Variants in ERBB4 observed in about 807,000 individuals in gnomAD.
The protein encoded by ERBB4 is erb-b2 receptor tyrosine kinase 4, also known as receptor tyrosine-protein kinase erbB-4.
ERBB4 carries 42 observed loss-of-function variants against 158.0 expected under a neutral mutation model. The observed-to-expected ratio is 0.27, with a 90% CI of 0.21 to 0.34. The LOEUF (loss-of-function observed/expected upper bound fraction) is 0.34. Ranked by LOEUF, ERBB4 falls within the 10% of genes least tolerant of loss-of-function variation. The probability of loss-of-function intolerance (pLI) is 1.00; values close to 1 mark genes in which losing one functional copy is unlikely to be tolerated. For synonymous variants in ERBB4, 583 were observed against 558.7 expected (o/e 1.04, Z -0.61); for missense variants, 1,333 against 1,624.1 (o/e 0.82, Z 3.08).
intron 1 of ERBB4, among the ~76,000 whole-genome samples, chr2:212,408,453 T>C (rs1469797785): frequency 2.6e-5 from 4 of 152,164 alleles, no homozygotes; most frequent in East Asian, 1.9e-4. Context: ...CATTGCCATA[T>C]ACTGGAATCA....
At chr2:211,566,636 G>A (rs1019764035) in intron 19 of ERBB4, among the ~76,000 whole-genome samples, 10 of 152,030 alleles carry the variant, frequency 6.6e-5, no homozygotes, top group Non-Finnish European at 1.5e-4. Flanking sequence ...AGTATTAAGT[G>A]TATTCACAGT....
chr2:212,051,790 A>C (rs2077406963), intron 2 of ERBB4, among the ~76,000 whole-genome samples: 1 of 152,150 alleles, frequency 6.6e-6, no homozygotes, highest in Non-Finnish European at 1.5e-5. Context: ...TAATAGTCTA[A>C]ATTTTATTAA....
chr2:212,434,952 A>G (rs572545216), intron 1 of ERBB4, among the ~76,000 whole-genome samples: 1 of 152,078 alleles, frequency 6.6e-6, no homozygotes, highest in Admixed American at 6.6e-5. Context: ...CAAATGATTT[A>G]AAGTCCAGAT....
chr2:211,781,253 A>G (rs1208626131), intron 4 of ERBB4, among the ~76,000 whole-genome samples: 1 of 152,238 alleles, frequency 6.6e-6, no homozygotes. Flanking sequence ...GTGGGTCATT[A>G]CTATGATATG....
chr2:212,263,639 A>G (rs1012681354), intron 1 of ERBB4, among the ~76,000 whole-genome samples: 6 of 152,014 alleles, frequency 3.9e-5, no homozygotes, highest in Non-Finnish European at 7.4e-5. Context: ...TTTTAATAAA[A>G]ACTGTATTAA....
At chr2:212,349,895 G>A (rs1364327407) in intron 1 of ERBB4, among the ~76,000 whole-genome samples, 4 of 151,940 alleles carry the variant, frequency 2.6e-5, no homozygotes, top group African/African-American at 9.7e-5. Context: ...GGAAGAAGGG[G>A]AAAATAGATT....
intron 2 of ERBB4, among the ~76,000 whole-genome samples, chr2:212,034,584 A>T (rs1280824627): frequency 6.6e-6 from 1 of 152,138 alleles, no homozygotes; most frequent in African/African-American, 2.4e-5. Flanking sequence ...ATAGTCATGT[A>T]TTTCTTTATA....
intron 1 of ERBB4, among the ~76,000 whole-genome samples, chr2:212,287,742 G>T (rs2086050298): frequency 6.6e-6 from 1 of 152,080 alleles, no homozygotes; most frequent in African/African-American, 2.4e-5. Context: ...CAATAAAAAA[G>T]AACGACATTA....
chr2:211,485,126 G>A (rs1281987716), intron 20 of ERBB4, among the ~76,000 whole-genome samples: 1 of 152,178 alleles, frequency 6.6e-6, no homozygotes, highest in Admixed American at 6.6e-5. Flanking sequence ...AGAGACTAAT[G>A]TGATGCTCTG....
intron 20 of ERBB4, among the ~76,000 whole-genome samples, chr2:211,524,056 G>C (rs1336672313): frequency 6.6e-6 from 1 of 152,034 alleles, no homozygotes; most frequent in Non-Finnish European, 1.5e-5. Context: ...CACAAACCCT[G>C]AGCTAGACAC....
intron 1 of ERBB4, among the ~76,000 whole-genome samples, chr2:212,531,631 C>T (rs1003739804): frequency 6.6e-6 from 1 of 152,086 alleles, no homozygotes; most frequent in South Asian, 2.1e-4. Context: ...TTATCCTTTA[C>T]AATCCATCTT....
chr2:212,117,852 C>G (rs2079616791), intron 2 of ERBB4, among the ~76,000 whole-genome samples: 1 of 152,152 alleles, frequency 6.6e-6, no homozygotes, highest in Non-Finnish European at 1.5e-5. Flanking sequence ...CCACACAAGT[C>G]ATTCTATCTG....
intron 1 of ERBB4, among the ~76,000 whole-genome samples, chr2:212,286,799 G>A (rs1399547836): frequency 3.5e-4 from 2 of 5,702 alleles, no homozygotes; most frequent in Admixed American, 3.2e-3. Flanking sequence ...TTGTAGAGAC[G>A]GGATTTCCGC....
At chr2:211,926,037 G>A (rs1310479117) in intron 3 of ERBB4, among the ~76,000 whole-genome samples, 1 of 152,108 alleles carries the variant, frequency 6.6e-6, no homozygotes, top group African/African-American at 2.4e-5. Flanking sequence ...GTGATCTTTT[G>A]CGGAGGAAAA....
At chr2:212,422,500 A>AACCCACAC (rs1553637152) in intron 1 of ERBB4, among the ~76,000 whole-genome samples, 1 of 148,556 alleles carries the variant, frequency 6.7e-6, no homozygotes, top group East Asian at 2.0e-4. Context: ...TTGGACTCAA[A>AACCCACAC]ACACACACAC....
At position 212,318,922 on chromosome 2, in the gene ERBB4, CA is replaced by C. The variant is rs917738567; in HGVS notation, c.83-194020del. Among the ~76,000 whole-genome samples, 18 of 151,688 alleles carry C rather than the reference CA, an allele frequency of 1.2e-4. No homozygotes were observed. In the East Asian group the frequency reaches 3.5e-3, roughly 30 times the overall value. ...GGCATTTTGCTACATGCCATGGCTA[CA>C]GAGAGCCAGTGGGGACCAATCCTCA... On this transcript the variant is annotated intron_variant, in intron 1 of 27. Transcript: ENST00000342788.
intron 20 of ERBB4, among the ~76,000 whole-genome samples, chr2:211,506,007 C>T (rs1187485047): frequency 5.6e-5 from 8 of 143,014 alleles, no homozygotes; most frequent in Non-Finnish European, 1.1e-4. Context: ...ATTAAAGAAA[C>T]AAGACCCAAC....
intron 1 of ERBB4, among the ~76,000 whole-genome samples, chr2:212,282,063 AT>A (rs2085777736): frequency 6.6e-6 from 1 of 151,874 alleles, no homozygotes; most frequent in South Asian, 2.1e-4. Flanking sequence ...TTTAGAAGTT[AT>A]ATTTGAGAGA....
chr2:212,365,214 T>C (rs1013376798), intron 1 of ERBB4, among the ~76,000 whole-genome samples: 73 of 151,818 alleles, frequency 4.8e-4, no homozygotes, highest in African/African-American at 1.7e-3. Flanking sequence ...CTCAAAGATA[T>C]ATAATCTATA....
Sources: gnomAD v4.1 joint callset for allele counts (sites outside exome capture counted in the v4.1 genomes callset) on GRCh38, gnomAD v4.1.1 for gene constraint, MANE v1.5 for transcripts, NCBI Gene and HGNC (gene_info 2026-07-23, HGNC 2026-07-21) for gene names.